SULF2: variants seen among roughly 807,000 people sequenced by gnomAD.
SULF2 encodes the protein sulfatase 2, also known as extracellular sulfatase Sulf-2.
A neutral mutation model predicts 107.7 loss-of-function variants in SULF2; 52 were observed. That is an observed-to-expected ratio of 0.48 (90% CI 0.39 to 0.61). SULF2 has a LOEUF of 0.61. Ranked by LOEUF, SULF2 falls within the 20% of genes least tolerant of loss-of-function variation. The pLI is 0.00. For missense variants in SULF2, 993 were observed against 1,177.3 expected (o/e 0.84, Z 2.29); for synonymous variants, 460 against 464.3 (o/e 0.99, Z 0.12).
At chr20:47,737,096 G>T (rs2089753329) in intron 2 of SULF2, among the ~76,000 whole-genome samples, 154 bp from the exon 3 acceptor site, 2 of 152,204 alleles carry the variant, frequency 1.3e-5, no homozygotes, top group Non-Finnish European at 2.9e-5. Flanking sequence ...TGCACGGTGG[G>T]ACTGTCCTGC....
intron 3 of SULF2, among the ~76,000 whole-genome samples, chr20:47,732,246 T>C (rs2089630992): frequency 6.6e-6 from 1 of 152,156 alleles, no homozygotes; most frequent in African/African-American, 2.4e-5. Context: ...CCAGACACTG[T>C]TCTAATGTAT....
chr20:47,722,656 G>A (rs2089326083), intron 3 of SULF2, among the ~76,000 whole-genome samples: 1 of 152,198 alleles, frequency 6.6e-6, no homozygotes, highest in African/African-American at 2.4e-5. Flanking sequence ...CACTCGCCAG[G>A]TGCAGTGGCT....
chr20:47,723,291 A>AG (rs2089345851), intron 3 of SULF2, among the ~76,000 whole-genome samples: 1 of 152,128 alleles, frequency 6.6e-6, no homozygotes, highest in Non-Finnish European at 1.5e-5. Context: ...GATAATTTCA[A>AG]GGGGGCGAGA....
At chr20:47,737,312 A>G (rs2089758887) in intron 2 of SULF2, among the ~76,000 whole-genome samples, 3 of 151,612 alleles carry the variant, frequency 2.0e-5, no homozygotes, top group Admixed American at 6.6e-5. Flanking sequence ...AAACTGTTTT[A>G]CAAATTTTAA....
At chr20:47,712,748 T>G (rs2088974883) in intron 3 of SULF2, among the ~76,000 whole-genome samples, 1 of 152,160 alleles carries the variant, frequency 6.6e-6, no homozygotes, top group Non-Finnish European at 1.5e-5. Context: ...TGAAAGGGAT[T>G]CTAGGCCTGG....
At chr20:47,664,734 C>T (rs1329573819) in intron 14 of SULF2, among the ~76,000 whole-genome samples, 1 of 152,252 alleles carries the variant, frequency 6.6e-6, no homozygotes, top group Non-Finnish European at 1.5e-5. Flanking sequence ...AAATTTGGCT[C>T]CTTAGTGACA....
intron 3 of SULF2, among the ~76,000 whole-genome samples, chr20:47,705,542 G>A (rs946009945): frequency 6.6e-6 from 1 of 152,164 alleles, no homozygotes; most frequent in Non-Finnish European, 1.5e-5. Context: ...TGGAATGTTG[G>A]AGATGCCTCA....
intron 2 of SULF2, among the ~76,000 whole-genome samples, chr20:47,744,012 TG>T (rs763996323): frequency 4.6e-5 from 7 of 152,168 alleles, no homozygotes; most frequent in Non-Finnish European, 1.0e-4. Context: ...CTGCTCTTCC[TG>T]GTGCTTCCGT....
intron 3 of SULF2, among the ~76,000 whole-genome samples, chr20:47,731,186 T>TTTG (rs2089595791): frequency 1.3e-5 from 1 of 78,116 alleles, no homozygotes. Flanking sequence ...CTGTATCTTC[T>TTTG]CTTTTTTTTT....
chr20:47,660,719 C>T (rs977265439), intron 18 of SULF2, among the ~76,000 whole-genome samples: 1 of 152,164 alleles, frequency 6.6e-6, no homozygotes, highest in African/African-American at 2.4e-5. Context: ...AGTCTCCTCC[C>T]ACCTCAGCCT....
At chr20:47,670,161 T>TTATACTAGTTATA (rs1287448518) in intron 11 of SULF2, among the ~76,000 whole-genome samples, 1 of 152,152 alleles carries the variant, frequency 6.6e-6, no homozygotes. Flanking sequence ...CTAACTAGTC[T>TTATACTAGTTATA]GTGGTACAAT....
At chr20:47,728,114 G>A (rs1106148) in intron 3 of SULF2, among the ~76,000 whole-genome samples, 24,853 of 152,106 alleles carry the variant, frequency 0.16, 4,945 homozygotes, top group African/African-American at 0.48. Context: ...ACACTCCACG[G>A]GGTGAATGGA....
intron 4 of SULF2, among the ~76,000 whole-genome samples, chr20:47,701,527 C>T (rs1320501290): frequency 6.6e-6 from 1 of 152,210 alleles, no homozygotes; most frequent in Non-Finnish European, 1.5e-5. Context: ...AGCACCCACT[C>T]ACTCCGAACA....
intron 1 of SULF2, among the ~76,000 whole-genome samples, chr20:47,776,778 G>A (rs1190772360): frequency 6.6e-6 from 1 of 152,186 alleles, no homozygotes; most frequent in East Asian, 1.9e-4. Context: ...TGCAAGCAAT[G>A]CTAGCACAAA....
In SULF2 at chr20:47,758,516, T is replaced by C. The variant is rs1453368265; in HGVS notation, c.-100-1053A>G. Among the ~76,000 whole-genome samples the C allele has an allele frequency of 2.6e-5, 4 of 151,966 alleles. No homozygotes were observed. In the South Asian group the frequency reaches 8.3e-4, roughly 32 times the overall value. Reference sequence around the variant, plus strand: ...ATAAATGAAATGACAATAGAGAAAATTGAGCGCTAAAAGGTGGAGGGGGAA... The same window carrying C: ...ATAAATGAAATGACAATAGAGAAAACTGAGCGCTAAAAGGTGGAGGGGGAA... On this transcript the variant is annotated intron_variant, in intron 1 of 20. Transcript: ENST00000688720.
intron 1 of SULF2, among the ~76,000 whole-genome samples, chr20:47,773,646 G>A (rs1469432554): frequency 1.3e-5 from 2 of 152,270 alleles, no homozygotes; most frequent in Non-Finnish European, 1.5e-5. Flanking sequence ...TGTCTCAGCT[G>A]TGGACAAAAG....
Position 47,702,637 on chromosome 20 carries a change from C to A in SULF2, c.449G>T (p.Gly150Val). The A allele has an allele frequency of 6.2e-7, 1 of 1,613,914 alleles. No homozygotes were observed. Among genetic ancestry groups the A allele is most frequent in the Non-Finnish European group, 8.5e-7 (1 of 1,179,994 alleles). The change falls in exon 4 of 21, where the codon GGC (glycine) becomes GTC (valine). Residue 150 changes from glycine (G) to valine (V), a missense_variant. This residue lies in a region of SULF2 where 388 missense variants were observed against 449.2 expected (regional missense o/e 0.86). Transcript: ENST00000688720. ...FFGKYLNEYNGSYVPPGWKEW... is the reference protein window; with the variant it reads ...FFGKYLNEYNVSYVPPGWKEW... ...CTTCCAGCCGGGTGGCACGTAGGAG[C>A]CGTTGTATTCATTAAGATACTTCCC... is the stretch of plus-strand genomic sequence containing the variant.
At chr20:47,765,073 T>C (rs1162520628) in intron 1 of SULF2, among the ~76,000 whole-genome samples, 2 of 152,050 alleles carry the variant, frequency 1.3e-5, no homozygotes, top group Non-Finnish European at 2.9e-5. Context: ...GAGAGAGGGC[T>C]GGGCGCGGCA....
At chr20:47,715,635 G>A (rs201718022) in intron 3 of SULF2, among the ~76,000 whole-genome samples, 8 of 150,258 alleles carry the variant, frequency 5.3e-5, no homozygotes, top group Non-Finnish European at 1.0e-4. Flanking sequence ...AGGCTGGGGC[G>A]CAATGGCACG....
Sources: gnomAD v4.1 joint callset for allele counts (sites outside exome capture counted in the v4.1 genomes callset) on GRCh38, gnomAD v4.1.1 for gene constraint, gnomAD v4.1.1 regional missense constraint, MANE v1.5 for transcripts, NCBI Gene and HGNC (gene_info 2026-07-23, HGNC 2026-07-21) for gene names.